NUDCD1: variants seen among roughly 807,000 people sequenced by gnomAD.
The protein encoded by NUDCD1 is nudC domain-containing protein 1.
NUDCD1 carries 60 observed loss-of-function variants against 67.8 expected under a neutral mutation model. The observed-to-expected ratio is 0.88, with a 90% confidence interval of 0.72 to 1.10. NUDCD1 has a LOEUF of 1.10. NUDCD1 is among the 50% of genes least tolerant of loss of function. NUDCD1 has a pLI of 0.00. For missense variants in NUDCD1, 643 were observed against 695.0 expected, an observed-to-expected ratio of 0.93 and a Z score of 0.84; for synonymous variants, 244 against 230.8, an observed-to-expected ratio of 1.06 and a Z score of -0.52.
chr8:109,258,484 C>A (rs1328945372), intron 8 of NUDCD1, among the ~76,000 whole-genome samples: 2 of 151,924 alleles, frequency 1.3e-5, no homozygotes, highest in African/African-American at 4.8e-5. Flanking sequence ...GTGTGAGGGG[C>A]AGTCTCCCTA....
intron 4 of NUDCD1, among the ~76,000 whole-genome samples, chr8:109,290,944 G>C (rs1814697873): frequency 1.3e-5 from 2 of 152,100 alleles, no homozygotes; most frequent in African/African-American, 4.8e-5. Context: ...GAACAGGCTT[G>C]TAATTTAATG....
chr8:109,328,518 C>T (rs1204959038), intron 1 of NUDCD1, among the ~76,000 whole-genome samples: 5 of 152,142 alleles, frequency 3.3e-5, no homozygotes, highest in Non-Finnish European at 7.4e-5. Context: ...TTACCCCAGG[C>T]TACAGAAAGA....
intron 2 of NUDCD1, among the ~76,000 whole-genome samples, chr8:109,311,652 C>G (rs568061572): frequency 6.6e-6 from 1 of 151,160 alleles, no homozygotes; most frequent in East Asian, 1.9e-4. Context: ...GACTATTATT[C>G]TAAGTGAAGT....
chr8:109,275,572 T>C (rs1274578419), intron 6 of NUDCD1, 76 bp from the exon 7 acceptor site: 2 of 1,349,014 alleles, frequency 1.5e-6, no homozygotes, highest in Non-Finnish European at 2.1e-6. Context: ...AAACATTGTT[T>C]GTTTCTATCT....
intron 3 of NUDCD1, among the ~76,000 whole-genome samples, chr8:109,293,775 C>T (rs1394498956): frequency 6.6e-6 from 1 of 151,988 alleles, no homozygotes; most frequent in African/African-American, 2.4e-5. Context: ...TACCTTGCTT[C>T]CTCTCAGTTT....
chr8:109,243,003 G>C lies in NUDCD1; in HGVS notation c.*6C>G. ...CCAGTACAAAGAGGCCAATATGTTAGAATAATTAATTCTCTGTATTTACTT... is the reference window on the plus strand; with the variant it reads ...CCAGTACAAAGAGGCCAATATGTTACAATAATTAATTCTCTGTATTTACTT... On this transcript the variant is annotated 3_prime_UTR_variant, in exon 10 of 10. Coordinates refer to ENST00000239690, the MANE Select transcript of NUDCD1 (RefSeq NM_032869.4). The C allele has an allele frequency of 6.4e-7, 1 of 1,552,584 alleles. No individual in the cohort carries two copies. The highest frequency in any genetic ancestry group is 2.3e-5 in the East Asian group (1 of 44,444).
intron 2 of NUDCD1, among the ~76,000 whole-genome samples, chr8:109,308,141 G>C (rs1355583388): frequency 6.6e-6 from 1 of 152,098 alleles, no homozygotes; most frequent in Non-Finnish European, 1.5e-5. Context: ...GATATATACA[G>C]AACATTTAAT....
At chr8:109,314,598 C>T in intron 2 of NUDCD1, among the ~76,000 whole-genome samples, 1 of 152,118 alleles carries the variant, frequency 6.6e-6, no homozygotes, top group East Asian at 1.9e-4. Context: ...TAAATTAATA[C>T]TTCAGATCTC....
chr8:109,311,540 T>G (rs1815247490), intron 2 of NUDCD1, among the ~76,000 whole-genome samples: 1 of 131,074 alleles, frequency 7.6e-6, no homozygotes, highest in Non-Finnish European at 1.6e-5. Context: ...AATCAATGAG[T>G]GGATAAAGAA....
chr8:109,270,725 A>T (rs556848282), intron 8 of NUDCD1, among the ~76,000 whole-genome samples: 2 of 152,308 alleles, frequency 1.3e-5, no homozygotes, highest in East Asian at 3.9e-4. Context: ...TTGAATGAAA[A>T]AAAAAAAGTG....
At position 109,243,204 on chromosome 8, in the gene NUDCD1, G is replaced by C. The variant is rs1054375004; in HGVS notation, c.1557C>G (p.Ile519Met). ...TGGACATGGGAGCAGGCTGACGATA[G>C]ATGAATACTCGACGAAGGCACTCAC... ...ALCECLRRVF[I>M]YRQPAPMSTV... Residue 519 changes from isoleucine to methionine, a missense_variant, in exon 10 of 10, where the codon ATC (isoleucine) becomes ATG (methionine). Physicochemically the swap from Ile to Met is conservative, Grantham distance 10. Coordinates refer to ENST00000239690, the MANE Select transcript of NUDCD1 (RefSeq NM_032869.4). The C allele has an allele frequency of 4.3e-6, 7 of 1,613,650 alleles. No individual in the cohort carries two copies. The highest frequency in any genetic ancestry group is 5.1e-6 in the Non-Finnish European group (6 of 1,179,764).
intron 2 of NUDCD1, among the ~76,000 whole-genome samples, chr8:109,320,727 C>T (rs563877518): frequency 6.6e-6 from 1 of 152,270 alleles, no homozygotes; most frequent in South Asian, 2.1e-4. Flanking sequence ...TAAGAGATTG[C>T]AGTAAAGACA....
At chr8:109,331,198 G>A (rs1231089673) in intron 1 of NUDCD1, among the ~76,000 whole-genome samples, 1 of 152,132 alleles carries the variant, frequency 6.6e-6, no homozygotes. Flanking sequence ...AGCTGGGCTT[G>A]GTGGCGGGCA....
chr8:109,305,513 A>G (rs1429377184), intron 2 of NUDCD1, among the ~76,000 whole-genome samples: 2 of 152,174 alleles, frequency 1.3e-5, no homozygotes. Context: ...CAAGTTAAAA[A>G]GGACTGGACA....
chr8:109,316,686 A>G (rs1815405228), intron 2 of NUDCD1, among the ~76,000 whole-genome samples: 1 of 152,148 alleles, frequency 6.6e-6, no homozygotes, highest in Non-Finnish European at 1.5e-5. Context: ...AATAATAAAA[A>G]ATAAGTGTAG....
rs1303004313 is a variant in NUDCD1, at chr8:109,317,204, G to C, written c.273+5105C>G. ...GCACAAAAAACTGAACAGGTGATTA[G>C]AGAACTGGCACTGAAAATGATAATA... On this transcript the variant is annotated intron_variant, in intron 2 of 9. Transcript: ENST00000239690. Among the ~76,000 whole-genome samples, 4 of 152,134 alleles carry C rather than the reference G, an allele frequency of 2.6e-5. No homozygotes were observed. In the East Asian group the frequency reaches 7.7e-4, roughly 29 times the overall value.
At chr8:109,305,623 G>A (rs906055782) in intron 2 of NUDCD1, among the ~76,000 whole-genome samples, 3 of 151,936 alleles carry the variant, frequency 2.0e-5, no homozygotes, top group African/African-American at 2.4e-5. Flanking sequence ...TTTCTTGCTC[G>A]GCCCCAACCT....
intron 2 of NUDCD1, among the ~76,000 whole-genome samples, chr8:109,307,900 G>C (rs888869768): frequency 2.0e-5 from 3 of 152,112 alleles, no homozygotes; most frequent in African/African-American, 4.8e-5. Flanking sequence ...AATGATAAAA[G>C]GCCTTGTCCA....
chr8:109,249,107 C>G (rs982037310), intron 8 of NUDCD1, among the ~76,000 whole-genome samples: 1 of 152,080 alleles, frequency 6.6e-6, no homozygotes, highest in Non-Finnish European at 1.5e-5. Flanking sequence ...ATATTTAAAC[C>G]ATTTTATTCC....
Sources: allele counts gnomAD v4.1 joint callset (sites outside exome capture counted in the v4.1 genomes callset), GRCh38; gene constraint gnomAD v4.1.1; transcripts MANE v1.5; gene names NCBI Gene and HGNC (gene_info 2026-07-23, HGNC 2026-07-21).